Variants in RBMS1 observed in about 807,000 individuals in gnomAD.
RBMS1 encodes RNA-binding motif, single-stranded-interacting protein 1.
In RBMS1, 17 loss-of-function variants were observed where a neutral mutation model predicts 62.3. The ratio of observed to expected loss-of-function variants is 0.27; its 90% CI spans 0.19 to 0.41. The LOEUF (loss-of-function observed/expected upper bound fraction) is 0.41. Ranked by LOEUF, RBMS1 falls within the 10% of genes least tolerant of loss-of-function variation. The pLI is 1.00. For missense variants in RBMS1, 334 were observed against 504.5 expected, an observed-to-expected ratio of 0.66 and a Z score of 3.24; for synonymous variants, 172 against 170.0, an observed-to-expected ratio of 1.01 and a Z score of -0.09.
intron 2 of RBMS1, among the ~76,000 whole-genome samples, chr2:160,343,965 T>C (rs543566627): frequency 6.6e-6 from 1 of 152,314 alleles, no homozygotes; most frequent in East Asian, 1.9e-4. Context: ...CATATTTTCC[T>C]ATCCTACTCT....
intron 1 of RBMS1, among the ~76,000 whole-genome samples, chr2:160,377,932 C>G (rs925619352): frequency 6.6e-6 from 1 of 152,094 alleles, no homozygotes; most frequent in Non-Finnish European, 1.5e-5. Flanking sequence ...TTGTTTGTTA[C>G]GAGGATTGCA....
intron 1 of RBMS1, among the ~76,000 whole-genome samples, chr2:160,462,158 A>G (rs1684492100): frequency 6.6e-6 from 1 of 152,138 alleles, no homozygotes; most frequent in African/African-American, 2.4e-5. Context: ...TGTGCATCAG[A>G]TTCACCAGGG....
At position 160,286,943 on chromosome 2, in the gene RBMS1, C is replaced by G. The variant is rs1392803093; in HGVS notation, c.756+26G>C. On this transcript the variant is annotated intron_variant, in intron 7 of 13. Coordinates refer to ENST00000348849, the MANE Select transcript of RBMS1 (RefSeq NM_016836.4). ...TCAAGATCACACCCCCTCCCCCACC[C>G]CGCAAAGTTTCAAGAAAGGACTTAC... 6 of 1,608,896 alleles carry G rather than the reference C, an allele frequency of 3.7e-6. No individual in the cohort carries two copies. In the South Asian group the frequency reaches 6.6e-5, roughly 18 times the overall value.
intron 2 of RBMS1, among the ~76,000 whole-genome samples, chr2:160,343,525 T>C (rs1286854923): frequency 6.6e-6 from 1 of 152,098 alleles, no homozygotes; most frequent in East Asian, 1.9e-4. Context: ...CTGGTTCTAA[T>C]TAAGGATCAT....
At chr2:160,412,903 C>T (rs111256113) in intron 1 of RBMS1, among the ~76,000 whole-genome samples, 164 of 152,298 alleles carry the variant, frequency 1.1e-3, no homozygotes, top group African/African-American at 3.8e-3. Flanking sequence ...GGTGAGGCGT[C>T]CTAGAGGACC....
intron 2 of RBMS1, among the ~76,000 whole-genome samples, chr2:160,337,679 A>G (rs530668714): frequency 1.3e-5 from 2 of 152,244 alleles, no homozygotes; most frequent in East Asian, 1.9e-4. Flanking sequence ...GGGGAACCAC[A>G]TATTTATTCA....
chr2:160,395,651 A>T (rs978627964), intron 1 of RBMS1, among the ~76,000 whole-genome samples: 22 of 151,498 alleles, frequency 1.5e-4, no homozygotes, highest in Non-Finnish European at 2.7e-4. Context: ...AAAAAATCAG[A>T]TGCTGAAAGA....
At chr2:160,352,097 T>C (rs1171541623) in intron 2 of RBMS1, among the ~76,000 whole-genome samples, 1 of 152,146 alleles carries the variant, frequency 6.6e-6, no homozygotes, top group Non-Finnish European at 1.5e-5. Context: ...AACTTCTTAG[T>C]AGTGAACATA....
intron 1 of RBMS1, among the ~76,000 whole-genome samples, chr2:160,368,814 A>G (rs1274526226): frequency 6.6e-6 from 1 of 151,866 alleles, no homozygotes; most frequent in African/African-American, 2.4e-5. Context: ...TAATTTTTGT[A>G]TTTTTAGTAG....
At chr2:160,355,865 C>T (rs1008358902) in intron 2 of RBMS1, among the ~76,000 whole-genome samples, 5 of 152,030 alleles carry the variant, frequency 3.3e-5, no homozygotes, top group Admixed American at 2.6e-4. Flanking sequence ...TCTACACCTC[C>T]TTAAAGGTGG....
At chr2:160,414,175 C>T (rs1696130118) in intron 1 of RBMS1, among the ~76,000 whole-genome samples, 2 of 152,188 alleles carry the variant, frequency 1.3e-5, no homozygotes, top group African/African-American at 4.8e-5. Context: ...AATATAAATG[C>T]AAACTTTCCA....
At chr2:160,405,282 C>A (rs1208816288) in intron 1 of RBMS1, among the ~76,000 whole-genome samples, 9 of 149,950 alleles carry the variant, frequency 6.0e-5, no homozygotes, top group Non-Finnish European at 1.3e-4. Flanking sequence ...GGCAAATTAG[C>A]TGAGATCAGC....
chr2:160,311,442 C>G (rs934317530), intron 4 of RBMS1, among the ~76,000 whole-genome samples: 6 of 151,882 alleles, frequency 4.0e-5, no homozygotes, highest in Non-Finnish European at 7.4e-5. Flanking sequence ...TAGCTTCACA[C>G]TGGTTTTTCA....
intron 1 of RBMS1, among the ~76,000 whole-genome samples, chr2:160,389,060 G>A (rs937330317): frequency 2.0e-5 from 3 of 152,168 alleles, no homozygotes; most frequent in Admixed American, 6.5e-5. Context: ...TCAACCCAAC[G>A]ACCTCATTTT....
At chr2:160,351,061 C>CAA (rs1305026088) in intron 2 of RBMS1, among the ~76,000 whole-genome samples, 1 of 151,114 alleles carries the variant, frequency 6.6e-6, no homozygotes, top group Non-Finnish European at 1.5e-5. Flanking sequence ...TCATGCTCAG[C>CAA]AAACTATCTC....
At chr2:160,369,600 T>A (rs952835116) in intron 1 of RBMS1, among the ~76,000 whole-genome samples, 4 of 152,210 alleles carry the variant, frequency 2.6e-5, no homozygotes, top group Non-Finnish European at 5.9e-5. Context: ...CCACACTGTT[T>A]TCACAGTAGG....
chr2:160,292,125 C>G (rs4535002), intron 6 of RBMS1, among the ~76,000 whole-genome samples: 39,189 of 152,080 alleles, frequency 0.26, 5,642 homozygotes, highest in East Asian at 0.53. Flanking sequence ...CCAGTGCCAA[C>G]TGCTATAGTG....
chr2:160,447,199 G>T (rs772687186), intron 1 of RBMS1, among the ~76,000 whole-genome samples: 19 of 152,158 alleles, frequency 1.2e-4, no homozygotes, highest in South Asian at 6.2e-4. Flanking sequence ...CAAGGTCCGA[G>T]AATGTGGCCA....
chr2:160,360,232 G>C lies in RBMS1; in HGVS notation c.251+6984C>G, dbSNP rs577561107. On this transcript the variant is annotated intron_variant, in intron 2 of 13. Coordinates refer to ENST00000348849, the MANE Select transcript of RBMS1 (RefSeq NM_016836.4). ...AGATGCTGGAGTTTTGGGACTAAGA[G>C]AGAACCACTAAAAGTCGGTGCCTTT... Among the ~76,000 whole-genome samples the C allele has an allele frequency of 2.9e-4, 44 of 152,276 alleles. 2 individuals are homozygous for C. The South Asian group carries it at 8.7e-3, about 30-fold the overall frequency.
Sources: gnomAD v4.1 joint callset for allele counts (sites outside exome capture counted in the v4.1 genomes callset) on GRCh38, gnomAD v4.1.1 for gene constraint, MANE v1.5 for transcripts, NCBI Gene and HGNC (gene_info 2026-07-23, HGNC 2026-07-21) for gene names.